HS6ST1: variants seen among roughly 807,000 people sequenced by gnomAD.
The protein encoded by HS6ST1 is heparan sulfate 6-O-sulfotransferase 1, also known as heparan-sulfate 6-O-sulfotransferase 1.
In HS6ST1, 3 loss-of-function variants were observed where a neutral mutation model predicts 25.2. The ratio of observed to expected loss-of-function variants is 0.12; its 90% confidence interval spans 0.05 to 0.31. The LOEUF is 0.31. HS6ST1 is among the 10% of genes least tolerant of loss of function. The pLI, the probability that HS6ST1 is intolerant of heterozygous loss-of-function variation, is 1.00. For missense variants in HS6ST1, 310 were observed against 609.6 expected (o/e 0.51, Z 5.18); for synonymous variants, 204 against 275.1 (o/e 0.74, Z 2.56).
rs1200813935 is a variant in HS6ST1, at chr2:128,266,002, C to A, written c.*2160G>T. On this transcript the variant is annotated 3_prime_UTR_variant, in exon 2 of 2. Coordinates refer to ENST00000259241, the MANE Select transcript of HS6ST1 (RefSeq NM_004807.3). Reference sequence around the variant, plus strand: ...AGCCCGGCGCTGGCCCGAGAGGAGACTGCTTTCCAAATGCAGCGAAGAGAC... The same window carrying A: ...AGCCCGGCGCTGGCCCGAGAGGAGAATGCTTTCCAAATGCAGCGAAGAGAC... The A allele has an allele frequency of 6.6e-6, 1 of 151,648 alleles. No individual in the cohort carries two copies. Among genetic ancestry groups the A allele is most frequent in the East Asian group, 1.9e-4 (1 of 5,174 alleles). The allele number at this position is 151,648 out of a possible 1,614,324, so 9.4% of individuals were successfully genotyped here.
In HS6ST1 at chr2:128,282,291, G is replaced by T. The variant is rs188777063; in HGVS notation, c.528-13421C>A. Among the ~76,000 whole-genome samples the T allele has an allele frequency of 2.3e-3, 358 of 152,350 alleles. 5 individuals carry two copies. The highest frequency in any genetic ancestry group is 6.9e-3 in the African/African-American group (287 of 41,588). On this transcript the variant is annotated intron_variant, in intron 1 of 1. Coordinates refer to ENST00000259241, the MANE Select transcript of HS6ST1 (RefSeq NM_004807.3). ...CGCGGCAGTACTGGGCTGAACCACT[G>T]TAAACAGAAACTGCGGCTGTCCAGC...
At chr2:128,315,807 T>C (rs1694354437) in intron 1 of HS6ST1, among the ~76,000 whole-genome samples, 1 of 152,210 alleles carries the variant, frequency 6.6e-6, no homozygotes, top group South Asian at 2.1e-4. Flanking sequence ...AAGATTACCT[T>C]GGCCTCCTGA....
At chr2:128,273,589 T>TC (rs1428338905) in intron 1 of HS6ST1, among the ~76,000 whole-genome samples, 2 of 152,042 alleles carry the variant, frequency 1.3e-5, no homozygotes, top group African/African-American at 4.8e-5. Flanking sequence ...AGCCCTCCCC[T>TC]CCCCTCTGCC....
At chr2:128,314,932 G>C (rs1694340232) in intron 1 of HS6ST1, among the ~76,000 whole-genome samples, 1 of 152,254 alleles carries the variant, frequency 6.6e-6, no homozygotes, top group South Asian at 2.1e-4. Context: ...AGGCAGACGG[G>C]AAGAGGAAGG....
intron 1 of HS6ST1, among the ~76,000 whole-genome samples, chr2:128,286,886 C>T (rs901001651): frequency 2.0e-5 from 3 of 152,192 alleles, no homozygotes; most frequent in Non-Finnish European, 2.9e-5. Flanking sequence ...CAAGGCCCCA[C>T]CTGGTTGCCT....
At chr2:128,315,551 G>A (rs1268143180) in intron 1 of HS6ST1, among the ~76,000 whole-genome samples, 1 of 152,158 alleles carries the variant, frequency 6.6e-6, no homozygotes, top group African/African-American at 2.4e-5. Context: ...TGAAGACATC[G>A]CAGGAGGGCC....
At chr2:128,278,836 C>A (rs149616614) in intron 1 of HS6ST1, among the ~76,000 whole-genome samples, 18 of 152,212 alleles carry the variant, frequency 1.2e-4, no homozygotes, top group African/African-American at 3.6e-4. Flanking sequence ...GAATTTTTTT[C>A]AACATTTTAC....
intron 1 of HS6ST1, among the ~76,000 whole-genome samples, chr2:128,307,154 G>T (rs1307807522): frequency 6.6e-5 from 10 of 152,170 alleles, no homozygotes; most frequent in Non-Finnish European, 1.3e-4. Context: ...ATCGCTGTGA[G>T]GGGCCCTGGC....
At chr2:128,294,614 T>C (rs1189433973) in intron 1 of HS6ST1, among the ~76,000 whole-genome samples, 2 of 149,594 alleles carry the variant, frequency 1.3e-5, no homozygotes, top group Non-Finnish European at 3.0e-5. Context: ...CCTGGAGAGC[T>C]GGGAGAAGAA....
intron 1 of HS6ST1, among the ~76,000 whole-genome samples, chr2:128,269,257 T>C (rs1693573756): frequency 1.3e-5 from 2 of 152,030 alleles, no homozygotes; most frequent in Admixed American, 6.6e-5. Flanking sequence ...AAAGAGCCAC[T>C]CAGCAGGAAC....
chr2:128,308,840 C>G (rs1446745730), intron 1 of HS6ST1, among the ~76,000 whole-genome samples: 1 of 152,254 alleles, frequency 6.6e-6, no homozygotes, highest in East Asian at 1.9e-4. Context: ...TGCAAACCAA[C>G]TAATTCATGG....
In HS6ST1 at chr2:128,301,896, A is replaced by T. The variant is rs114120770; in HGVS notation, c.527+16141T>A. 7.8e-3 allele frequency among the ~76,000 whole-genome samples: 1,192 copies of T among 152,312 alleles called. 7 individuals carry two copies. Among genetic ancestry groups the T allele is most frequent in the Non-Finnish European group, 0.012 (836 of 68,018 alleles). On this transcript the variant is annotated intron_variant, in intron 1 of 1. Transcript: ENST00000259241. ...TCACGGCTGCCAGACAGTCAGGGAC[A>T]CCATGCTGGCCGGTGTCTCCCTAGT...
At position 128,312,070 on chromosome 2, in the gene HS6ST1, C is replaced by T. The variant is rs541981611; in HGVS notation, c.527+5967G>A. Among the ~76,000 whole-genome samples the T allele has an allele frequency of 5.9e-5, 9 of 152,234 alleles. No homozygotes were observed. In the East Asian group the frequency reaches 1.2e-3, roughly 20 times the overall value. On this transcript the variant is annotated intron_variant, in intron 1 of 1. Coordinates refer to ENST00000259241, the MANE Select transcript of HS6ST1 (RefSeq NM_004807.3). ...GCCAGGTGTCTTCCAGTAAACGCAACGACACAGGCCTACATGTGAAACTGC... is the reference window on the plus strand; with the variant it reads ...GCCAGGTGTCTTCCAGTAAACGCAATGACACAGGCCTACATGTGAAACTGC...
At chr2:128,302,472 T>A (rs933590037) in intron 1 of HS6ST1, among the ~76,000 whole-genome samples, 11 of 152,082 alleles carry the variant, frequency 7.2e-5, no homozygotes, top group Non-Finnish European at 1.2e-4. Flanking sequence ...CCTGTGACCA[T>A]CTGCAGCTCC....
chr2:128,287,720 G>A (rs1313596210), intron 1 of HS6ST1, among the ~76,000 whole-genome samples: 2 of 152,200 alleles, frequency 1.3e-5, no homozygotes, highest in African/African-American at 2.4e-5. Flanking sequence ...TGAGCAGCCC[G>A]GGCCCAGATG....
At chr2:128,306,534 G>T (rs181563762) in intron 1 of HS6ST1, among the ~76,000 whole-genome samples, 1 of 152,324 alleles carries the variant, frequency 6.6e-6, no homozygotes, top group East Asian at 1.9e-4. Flanking sequence ...TAACTCAGAG[G>T]GGAGATGCTC....
At chr2:128,272,632 G>A (rs910619286) in intron 1 of HS6ST1, among the ~76,000 whole-genome samples, 20 of 152,204 alleles carry the variant, frequency 1.3e-4, no homozygotes, top group South Asian at 4.1e-4. Flanking sequence ...GAGACCCCAG[G>A]GCAACTGAGG....
chr2:128,302,351 TTAC>T (rs1272229511), intron 1 of HS6ST1, among the ~76,000 whole-genome samples: 2 of 152,292 alleles, frequency 1.3e-5, no homozygotes, highest in East Asian at 3.9e-4. Context: ...GTCTGCATGT[TTAC>T]TGATGTGTAC....
intron 1 of HS6ST1, among the ~76,000 whole-genome samples, chr2:128,313,649 AC>A (rs1010344264): frequency 3.3e-5 from 5 of 152,106 alleles, no homozygotes; most frequent in Non-Finnish European, 7.4e-5. Flanking sequence ...AGGATGCCAG[AC>A]CCAAGGTGGC....
Sources: gnomAD v4.1 joint callset for allele counts (sites outside exome capture counted in the v4.1 genomes callset) on GRCh38, gnomAD v4.1.1 for gene constraint, MANE v1.5 for transcripts, NCBI Gene and HGNC (gene_info 2026-07-23, HGNC 2026-07-21) for gene names.